The following HEMK2 variants were observed in gnomAD, a reference collection of about 807,000 sequenced individuals.
The protein encoded by HEMK2 is HemK methyltransferase 2, ETF1 glutamine and histone H4 lysine, also known as methyltransferase HEMK2.
chr21:28,609,214 C>T, the HEMK2 span, among the ~76,000 whole-genome samples: 1 of 152,128 alleles, frequency 6.6e-6, no homozygotes, highest in African/African-American at 2.4e-5. Context: ...GAAGATGGGT[C>T]ACATCACAGG....
chr21:28,714,319 G>T, the HEMK2 span, among the ~76,000 whole-genome samples: 5 of 152,006 alleles, frequency 3.3e-5, no homozygotes, highest in African/African-American at 9.7e-5. Context: ...CTTTGCCTCT[G>T]TTCTCCTTAA....
At chr21:28,646,280 C>T in the HEMK2 span, among the ~76,000 whole-genome samples, 3 of 152,180 alleles carry the variant, frequency 2.0e-5, no homozygotes, top group Non-Finnish European at 2.9e-5. Context: ...TGATAGATAA[C>T]CCATAAATAG....
the HEMK2 span, among the ~76,000 whole-genome samples, chr21:28,603,543 A>AGATGTGTGTGTGTG: frequency 4.9e-5 from 5 of 101,228 alleles, no homozygotes; most frequent in African/African-American, 2.0e-4. Flanking sequence ...TTTACTGAGG[A>AGATGTGTGTGTGTG]TATATATGTG....
the HEMK2 span, among the ~76,000 whole-genome samples, chr21:28,607,657 G>A: frequency 5.3e-5 from 8 of 152,290 alleles, no homozygotes. Context: ...CACGGAGGCA[G>A]AAGCTCATTC....
the HEMK2 span, among the ~76,000 whole-genome samples, chr21:28,662,094 G>A: frequency 3.3e-5 from 5 of 151,688 alleles, no homozygotes; most frequent in East Asian, 1.9e-4. Flanking sequence ...AGAGCTGAGG[G>A]AAGGAAATAA....
the HEMK2 span, among the ~76,000 whole-genome samples, chr21:28,612,367 T>C: frequency 6.6e-6 from 1 of 152,114 alleles, no homozygotes. Context: ...AAAAAGCATT[T>C]GACAAAATCC....
chr21:28,832,813 C>A, the HEMK2 span, among the ~76,000 whole-genome samples: 1 of 152,222 alleles, frequency 6.6e-6, no homozygotes, highest in African/African-American at 2.4e-5. Context: ...TATGTTCAAA[C>A]AGCAATGATG....
At chr21:28,744,594 C>T in the HEMK2 span, among the ~76,000 whole-genome samples, 1 of 152,142 alleles carries the variant, frequency 6.6e-6, no homozygotes, top group Non-Finnish European at 1.5e-5. Flanking sequence ...TGCACTTATC[C>T]ACTAATTTAT....
the HEMK2 span, among the ~76,000 whole-genome samples, chr21:28,663,904 C>T: frequency 2.0e-5 from 3 of 152,120 alleles, no homozygotes; most frequent in Non-Finnish European, 2.9e-5. Flanking sequence ...AGTCCATCAG[C>T]GGGACATGTA....
chr21:28,724,539 C>T, the HEMK2 span, among the ~76,000 whole-genome samples: 1 of 152,154 alleles, frequency 6.6e-6, no homozygotes, highest in Non-Finnish European at 1.5e-5. Flanking sequence ...ACAAATAAAA[C>T]TTAACTGCTT....
chr21:28,702,054 CA>C, the HEMK2 span, among the ~76,000 whole-genome samples: 13 of 151,990 alleles, frequency 8.6e-5, no homozygotes, highest in Non-Finnish European at 1.9e-4. Flanking sequence ...TGATCTTCAA[CA>C]AAGTCACAAA....
At chr21:28,709,980 TA>T in the HEMK2 span, among the ~76,000 whole-genome samples, 1 of 152,200 alleles carries the variant, frequency 6.6e-6, no homozygotes, top group South Asian at 2.1e-4. Flanking sequence ...GCCCCAGACC[TA>T]ACCACACCAG....
the HEMK2 span, among the ~76,000 whole-genome samples, chr21:28,772,844 CTCTG>C: frequency 4.3e-4 from 65 of 151,614 alleles, no homozygotes; most frequent in Non-Finnish European, 8.8e-4. Flanking sequence ...TTATATTTGT[CTCTG>C]TCTTTCTTCT....
the HEMK2 span, among the ~76,000 whole-genome samples, chr21:28,749,110 T>A: frequency 6.6e-6 from 1 of 151,566 alleles, no homozygotes; most frequent in East Asian, 1.9e-4. Flanking sequence ...AATGTAGCTA[T>A]AATATTTGTA....
chr21:28,787,513 TAA>T, the HEMK2 span, among the ~76,000 whole-genome samples: 12,390 of 150,836 alleles, frequency 0.082, 1,158 homozygotes, highest in African/African-American at 0.22. Flanking sequence ...AACAAATCAG[TAA>T]AAAAAAAGAA....
the HEMK2 span, among the ~76,000 whole-genome samples, chr21:28,865,044 C>T: frequency 1.3e-5 from 2 of 152,156 alleles, no homozygotes; most frequent in Non-Finnish European, 2.9e-5. Flanking sequence ...AACCTCAGTT[C>T]AGGCCACTAC....
At chr21:28,869,513 T>C in the HEMK2 span, among the ~76,000 whole-genome samples, 1 of 152,210 alleles carries the variant, frequency 6.6e-6, no homozygotes. Flanking sequence ...CTTCTTCTTC[T>C]TGGGCATACA....
At chr21:28,819,203 C>A in the HEMK2 span, among the ~76,000 whole-genome samples, 1 of 151,418 alleles carries the variant, frequency 6.6e-6, no homozygotes, top group East Asian at 1.9e-4. Context: ...TGTTGGATAC[C>A]CATGACGTAA....
At chr21:28,717,236 T>A in the HEMK2 span, among the ~76,000 whole-genome samples, 1 of 152,100 alleles carries the variant, frequency 6.6e-6, no homozygotes, top group African/African-American at 2.4e-5. Flanking sequence ...TATGAATCCA[T>A]CAGGTCGAGG....
Sources: allele counts gnomAD v4.1 joint callset (sites outside exome capture counted in the v4.1 genomes callset), GRCh38; gene constraint gnomAD v4.1.1; transcripts MANE v1.5; gene names NCBI Gene and HGNC (gene_info 2026-07-23, HGNC 2026-07-21).